Variants in C12orf75 observed in about 807,000 individuals in gnomAD.
C12orf75 encodes overexpressed in colon carcinoma 1 protein.
In C12orf75, 4 loss-of-function variants were observed where a neutral mutation model predicts 11.4. The observed-to-expected ratio is 0.35, with a 90% CI of 0.17 to 0.80. The LOEUF is 0.80. C12orf75 is among the 30% of genes least tolerant of loss of function. The pLI, the probability that C12orf75 is intolerant of heterozygous loss-of-function variation, is 0.52. For synonymous variants in C12orf75, 30 were observed against 30.0 expected, an observed-to-expected ratio of 1.00 and a Z score of 0.00; for missense variants, 89 against 80.4, an observed-to-expected ratio of 1.11 and a Z score of -0.41.
At chr12:105,340,430 CAAAA>C (rs60658476) in intron 1 of C12orf75, among the ~76,000 whole-genome samples, 3 of 115,400 alleles carry the variant, frequency 2.6e-5, no homozygotes. Flanking sequence ...GTGCCCCCGC[CAAAA>C]AAAAAAAAAA....
chr12:105,339,899 C>T (rs181585952), intron 1 of C12orf75, among the ~76,000 whole-genome samples: 57 of 151,974 alleles, frequency 3.8e-4, no homozygotes, highest in African/African-American at 1.2e-3. Context: ...GGATTACAGG[C>T]GTGAGCCACC....
intron 1 of C12orf75, among the ~76,000 whole-genome samples, chr12:105,336,092 A>G (rs1892496801): frequency 6.6e-6 from 1 of 152,204 alleles, no homozygotes; most frequent in Non-Finnish European, 1.5e-5. Flanking sequence ...ATAGCAGAAA[A>G]TGGAAGGCAG....
chr12:105,336,405 T>G (rs1892499933), intron 1 of C12orf75, among the ~76,000 whole-genome samples: 1 of 152,104 alleles, frequency 6.6e-6, no homozygotes, highest in African/African-American at 2.4e-5. Context: ...AAAATGGGGG[T>G]GTAATAAGAG....
chr12:105,352,788 C>G (rs781301233), intron 2 of C12orf75, among the ~76,000 whole-genome samples: 9 of 152,070 alleles, frequency 5.9e-5, no homozygotes, highest in Non-Finnish European at 1.2e-4. Context: ...GAACTCAAAA[C>G]CTAGCTAGGT....
At chr12:105,362,944 A>G (rs1457260648) in intron 2 of C12orf75, among the ~76,000 whole-genome samples, 1 of 152,268 alleles carries the variant, frequency 6.6e-6, no homozygotes, top group Non-Finnish European at 1.5e-5. Context: ...TTACACAATC[A>G]GGTTGAGAGA....
intron 2 of C12orf75, among the ~76,000 whole-genome samples, chr12:105,351,531 G>A (rs1276828968): frequency 3.9e-5 from 6 of 152,254 alleles, no homozygotes; most frequent in Non-Finnish European, 1.5e-5. Flanking sequence ...CTGTCCTGAA[G>A]TAGTTCACTG....
At chr12:105,361,158 A>G (rs762916337) in intron 2 of C12orf75, among the ~76,000 whole-genome samples, 36 of 152,096 alleles carry the variant, frequency 2.4e-4, no homozygotes, top group Non-Finnish European at 4.1e-4. Flanking sequence ...CACCTCCTGT[A>G]GCTGGGACCA....
At chr12:105,369,217 C>T (rs567959724) in intron 5 of C12orf75, among the ~76,000 whole-genome samples, 8 of 152,238 alleles carry the variant, frequency 5.3e-5, no homozygotes, top group Middle Eastern at 3.4e-3. Flanking sequence ...GTGTTAGACA[C>T]GATGATTGCT....
chr12:105,336,665 A>G (rs1410334017), intron 1 of C12orf75, among the ~76,000 whole-genome samples: 2 of 152,214 alleles, frequency 1.3e-5, no homozygotes, highest in East Asian at 3.9e-4. Context: ...CGTTGAGGTC[A>G]CAGATACGTG....
chr12:105,360,153 G>A (rs904956037), intron 2 of C12orf75, among the ~76,000 whole-genome samples: 3 of 152,172 alleles, frequency 2.0e-5, no homozygotes, highest in Non-Finnish European at 4.4e-5. Context: ...GACCTTCTGG[G>A]CCCTATCACT....
intron 1 of C12orf75, among the ~76,000 whole-genome samples, chr12:105,339,183 G>T (rs74790841): frequency 0.044 from 6,668 of 152,096 alleles, 502 homozygotes; most frequent in African/African-American, 0.15. Context: ...TTGTGGGTCA[G>T]AAGAGCATAG....
At chr12:105,331,483 C>T (rs1415529904) in intron 1 of C12orf75, among the ~76,000 whole-genome samples, 2 of 151,932 alleles carry the variant, frequency 1.3e-5, no homozygotes, top group East Asian at 1.9e-4. Flanking sequence ...TGCCGAAGAC[C>T]GGCTGGGCTG....
At chr12:105,368,114 TATA>T (rs1333469105) in intron 5 of C12orf75, among the ~76,000 whole-genome samples, 1 of 102,436 alleles carries the variant, frequency 9.8e-6, no homozygotes, top group Non-Finnish European at 1.8e-5. Context: ...GAGTTAGAAT[TATA>T]ATAAGAAACA....
chr12:105,349,668 G>T (rs906987499), intron 2 of C12orf75, among the ~76,000 whole-genome samples: 1 of 152,066 alleles, frequency 6.6e-6, no homozygotes, highest in Non-Finnish European at 1.5e-5. Context: ...TTGAGGTCAG[G>T]AGTTCAAGAC....
chr12:105,357,807 T>TGTGTGTGTGTGAGA (rs1491090986), intron 2 of C12orf75, among the ~76,000 whole-genome samples: 1 of 122,894 alleles, frequency 8.1e-6, no homozygotes, highest in Non-Finnish European at 1.6e-5. Context: ...TGTGTGTGTG[T>TGTGTGTGTGTGAGA]GAGAGAGAGA....
chr12:105,343,587 T>G (rs971371691), intron 1 of C12orf75, among the ~76,000 whole-genome samples: 4 of 152,248 alleles, frequency 2.6e-5, no homozygotes, highest in African/African-American at 9.6e-5. Flanking sequence ...ATTAAAAGGT[T>G]GCAGTGAGGG....
rs533015781 is a variant in C12orf75, at chr12:105,346,617, G to A, written c.47-1985G>A. On this transcript the variant is annotated intron_variant, in intron 1 of 5. Coordinates refer to ENST00000443585, the MANE Select transcript of C12orf75 (RefSeq NM_001145199.2). ...TTAACAGTAATGGTGGCACAGAAAT[G>A]TTCTTCCCTGAAGAAAGGAACTAAG... is the stretch of plus-strand genomic sequence containing the variant. Among the ~76,000 whole-genome samples the A allele has an allele frequency of 4.9e-4, 75 of 152,258 alleles. 1 individual carries two copies. Among genetic ancestry groups the A allele is most frequent in the African/African-American group, 1.6e-3 (67 of 41,558 alleles).
chr12:105,337,059 C>G (rs1437320900), intron 1 of C12orf75, among the ~76,000 whole-genome samples: 1 of 152,184 alleles, frequency 6.6e-6, no homozygotes, highest in Non-Finnish European at 1.5e-5. Flanking sequence ...CACGGTGGCT[C>G]ACACCTGTAA....
At chr12:105,332,411 G>A (rs930649058) in intron 1 of C12orf75, among the ~76,000 whole-genome samples, 2 of 152,132 alleles carry the variant, frequency 1.3e-5, no homozygotes, top group Non-Finnish European at 2.9e-5. Flanking sequence ...TAGGGATGGG[G>A]AGGGGGTACC....
Sources: gnomAD v4.1 joint callset for allele counts (sites outside exome capture counted in the v4.1 genomes callset) on GRCh38, gnomAD v4.1.1 for gene constraint, MANE v1.5 for transcripts, NCBI Gene and HGNC (gene_info 2026-07-23, HGNC 2026-07-21) for gene names.